Variants in PACSIN2 observed in about 807,000 individuals in gnomAD.
The protein encoded by PACSIN2 is protein kinase C and casein kinase substrate in neurons 2.
PACSIN2 carries 25 observed loss-of-function variants against 63.8 expected under a neutral mutation model. The observed-to-expected ratio is 0.39, with a 90% CI of 0.29 to 0.55. The LOEUF (loss-of-function observed/expected upper bound fraction) is 0.55. Among genes scored for constraint, PACSIN2 ranks in the 20% least tolerant of loss-of-function variants. The pLI is 0.62. For synonymous variants in PACSIN2, 255 were observed against 256.2 expected (o/e 1.00, Z 0.05); for missense variants, 518 against 646.9 (o/e 0.80, Z 2.16).
At chr22:42,959,276 T>G (rs1934039470) in intron 1 of PACSIN2, among the ~76,000 whole-genome samples, 1 of 152,210 alleles carries the variant, frequency 6.6e-6, no homozygotes, top group South Asian at 2.1e-4. Flanking sequence ...TAGATTAGAT[T>G]TGGCTGTAAA....
chr22:42,892,890 G>A (rs574980705), intron 3 of PACSIN2, among the ~76,000 whole-genome samples: 2 of 152,218 alleles, frequency 1.3e-5, no homozygotes, highest in Non-Finnish European at 2.9e-5. Flanking sequence ...CCCCTTCCCT[G>A]CTGGGAAGTG....
At chr22:42,963,656 C>G (rs1920931531) in intron 1 of PACSIN2, among the ~76,000 whole-genome samples, 2 of 152,192 alleles carry the variant, frequency 1.3e-5, no homozygotes, top group Admixed American at 1.3e-4. Context: ...AAGGAAACCA[C>G]CACAGAACAT....
chr22:42,875,047 T>A (rs1472686369), intron 10 of PACSIN2, among the ~76,000 whole-genome samples: 1 of 151,832 alleles, frequency 6.6e-6, no homozygotes, highest in Non-Finnish European at 1.5e-5. Flanking sequence ...AGACGGGGTT[T>A]CACACTCTTA....
intron 2 of PACSIN2, among the ~76,000 whole-genome samples, chr22:42,900,241 C>T (rs1011433062): frequency 2.0e-5 from 3 of 152,158 alleles, no homozygotes; most frequent in African/African-American, 7.2e-5. Context: ...CCATGCCCTT[C>T]GGGTCACAGC....
intron 1 of PACSIN2, among the ~76,000 whole-genome samples, chr22:43,013,069 G>C (rs1036794499): frequency 6.6e-6 from 1 of 152,220 alleles, no homozygotes; most frequent in Non-Finnish European, 1.5e-5. Flanking sequence ...TGGGATCCCA[G>C]GCGTGAGCCA....
chr22:42,919,990 C>T (rs930963066), intron 1 of PACSIN2, among the ~76,000 whole-genome samples: 2 of 151,486 alleles, frequency 1.3e-5, no homozygotes, highest in African/African-American at 2.4e-5. Flanking sequence ...CACCTGTAGT[C>T]CCAGCTACTC....
chr22:43,008,552 G>T (rs1242455087), intron 1 of PACSIN2, among the ~76,000 whole-genome samples: 1 of 152,212 alleles, frequency 6.6e-6, no homozygotes, highest in Non-Finnish European at 1.5e-5. Flanking sequence ...CCCGGCCTAA[G>T]TTCAGTGTTC....
At chr22:42,907,603 C>T (rs913910596) in intron 2 of PACSIN2, among the ~76,000 whole-genome samples, 23 of 152,214 alleles carry the variant, frequency 1.5e-4, no homozygotes, top group African/African-American at 5.3e-4. Context: ...CCGTTGGGGT[C>T]GGCGTGCGTG....
intron 1 of PACSIN2, among the ~76,000 whole-genome samples, chr22:42,933,032 GA>G (rs1246759797): frequency 1.3e-5 from 2 of 152,206 alleles, no homozygotes; most frequent in African/African-American, 4.8e-5. Flanking sequence ...CTGTATCATT[GA>G]ATCAGCATTT....
chr22:42,893,357 A>G, intron 3 of PACSIN2, 100 bp downstream of exon 3: 1 of 1,276,016 alleles, frequency 7.8e-7, no homozygotes, highest in East Asian at 2.3e-5. Flanking sequence ...CCAATCTTAA[A>G]AGACAGAAAA....
rs1453465018 is a variant in PACSIN2 at position 43,009,863 on chromosome 22, CTATTTTTTT to C, written c.-78+5149_-78+5157del. Reference sequence around the variant, plus strand: ...TAGTTGAGACATCATTTTATTTTTTCTATTTTTTTTTTTTTTTTTTTTTGAGACAGAGTC... The same window carrying C: ...TAGTTGAGACATCATTTTATTTTTTCTTTTTTTTTTTTTTGAGACAGAGTC... On this transcript the variant is annotated intron_variant, in intron 1 of 10. Transcript: ENST00000263246. Among the ~76,000 whole-genome samples, 67 of 131,790 alleles carry C rather than the reference CTATTTTTTT, an allele frequency of 5.1e-4. 3 individuals are homozygous for C. Among genetic ancestry groups the C allele is most frequent in the Non-Finnish European group, 6.7e-4 (42 of 63,092 alleles). 86.5% of individuals were successfully genotyped at this position (131,790 alleles called of 152,430 possible).
At chr22:42,884,905 C>T (rs1381959615) in intron 5 of PACSIN2, among the ~76,000 whole-genome samples, 4 of 152,246 alleles carry the variant, frequency 2.6e-5, no homozygotes, top group South Asian at 2.1e-4. Flanking sequence ...CCTCAAGCCT[C>T]AGATCTGGCC....
At chr22:42,983,336 A>C (rs987675469) in intron 1 of PACSIN2, among the ~76,000 whole-genome samples, 9 of 149,892 alleles carry the variant, frequency 6.0e-5, no homozygotes, top group Admixed American at 6.0e-4. Flanking sequence ...AAAAAAAAAA[A>C]GAAACTGGCT....
intron 1 of PACSIN2, among the ~76,000 whole-genome samples, chr22:43,014,415 C>T (rs1175586725): frequency 8.0e-6 from 1 of 124,614 alleles, no homozygotes; most frequent in Non-Finnish European, 1.7e-5. Flanking sequence ...GAAATGGAGG[C>T]CGCTCATCAA....
chr22:42,909,864 T>C (rs527567613), intron 2 of PACSIN2, among the ~76,000 whole-genome samples: 1 of 152,292 alleles, frequency 6.6e-6, no homozygotes, highest in South Asian at 2.1e-4. Context: ...ATGAAGACAA[T>C]GTCGCCAAGG....
At chr22:42,921,799 C>T (rs934956106) in intron 1 of PACSIN2, among the ~76,000 whole-genome samples, 9 of 150,996 alleles carry the variant, frequency 6.0e-5, no homozygotes, top group Non-Finnish European at 1.0e-4. Flanking sequence ...AGTGCAGTGG[C>T]GCGATCTCAG....
chr22:43,010,674 G>C lies in PACSIN2; in HGVS notation c.-78+4347C>G, dbSNP rs9623737. The stretch of plus-strand genomic sequence containing the variant: ...GCAGTGAGCCAAGATCACACCACAG[G>C]GCACTTCCAGCCTGGGCAACAAAGC... On this transcript the variant is annotated intron_variant, in intron 1 of 10. Transcript: ENST00000263246. Among the ~76,000 whole-genome samples, 3 of 151,388 alleles carry C rather than the reference G, an allele frequency of 2.0e-5. No individual in the cohort carries two copies. The South Asian group carries it at 6.2e-4, about 31-fold the overall frequency.
intron 10 of PACSIN2, among the ~76,000 whole-genome samples, chr22:42,874,943 C>T (rs1171612049): frequency 6.6e-6 from 1 of 151,930 alleles, no homozygotes; most frequent in South Asian, 2.1e-4. Context: ...CTCCGCCTCC[C>T]GGGTTCAAGC....
At chr22:42,966,962 C>G (rs1920965324) in intron 1 of PACSIN2, among the ~76,000 whole-genome samples, 1 of 152,166 alleles carries the variant, frequency 6.6e-6, no homozygotes. Flanking sequence ...ATTCAGCCAT[C>G]TGACAAATAT....
Sources: allele counts gnomAD v4.1 joint callset (sites outside exome capture counted in the v4.1 genomes callset), GRCh38; gene constraint gnomAD v4.1.1; transcripts MANE v1.5; gene names NCBI Gene and HGNC (gene_info 2026-07-23, HGNC 2026-07-21).